Variants in C21orf91 observed in about 807,000 individuals in gnomAD.
The protein encoded by C21orf91 is protein EURL homolog.
Under a neutral mutation model 32.9 loss-of-function variants are expected in C21orf91, and 26 were observed. That is an observed-to-expected ratio of 0.79 (90% confidence interval 0.58 to 1.10). The LOEUF (loss-of-function observed/expected upper bound fraction) is 1.10. C21orf91 is among the 50% of genes least tolerant of loss of function. C21orf91 has a pLI of 0.00. For synonymous variants in C21orf91, 126 were observed against 120.4 expected (o/e 1.05, Z -0.31); for missense variants, 310 against 341.3 (o/e 0.91, Z 0.72).
At chr21:17,808,656 T>G (rs534457110) in intron 2 of C21orf91, among the ~76,000 whole-genome samples, 115 of 152,332 alleles carry the variant, frequency 7.5e-4, no homozygotes, top group African/African-American at 2.6e-3. Flanking sequence ...TTTTAGAGGC[T>G]TATAGACAGA....
chr21:17,810,740 T>TC (rs1350423475), intron 2 of C21orf91: 2 of 152,250 alleles, frequency 1.3e-5, no homozygotes, highest in East Asian at 3.8e-4. Context: ...GCATGGTTCT[T>TC]CTGGGTAAGG....
chr21:17,802,121 AG>A (rs1568752013), intron 2 of C21orf91, among the ~76,000 whole-genome samples: 1 of 152,180 alleles, frequency 6.6e-6, no homozygotes, highest in African/African-American at 2.4e-5. Flanking sequence ...AAAAGTGCAA[AG>A]ACTACTCAAA....
chr21:17,818,071 A>T, intron 2 of C21orf91, 121 bp downstream of exon 2: 1 of 626,008 alleles, frequency 1.6e-6, no homozygotes, highest in Non-Finnish European at 2.7e-6. Flanking sequence ...ACAAATCTCT[A>T]CACTATTCAT....
At position 17,789,911 on chromosome 21, in the gene C21orf91, C is replaced by G. The variant is rs1423567276; in HGVS notation, c.*3504G>C. 1 of 152,064 alleles carries G rather than the reference C, an allele frequency of 6.6e-6. No homozygotes were observed. The highest frequency in any genetic ancestry group is 6.6e-5 in the Admixed American group (1 of 15,264). The allele number at this position is 152,064 out of a possible 1,614,324, so 9.4% of individuals were successfully genotyped here. On this transcript the variant is annotated 3_prime_UTR_variant, in exon 5 of 5. Transcript: ENST00000284881. ...AAATTTCCTCAAATAGTTACTCCCA[C>G]CAACGTAAAAGTTAAAAATACAATC... is the stretch of plus-strand genomic sequence containing the variant.
In C21orf91 at chr21:17,791,824, C is replaced by T. The variant is rs1051547089; in HGVS notation, c.*1591G>A. On this transcript the variant is annotated 3_prime_UTR_variant, in exon 5 of 5. Transcript: ENST00000284881. ...AAATCGAAAGCATCTTTCAAAAATT[C>T]CCTCCAAAAAGTAATGTTATACTTC... 3.9e-5 allele frequency: 6 copies of T among 152,056 alleles called. No homozygotes were observed. The highest frequency in any genetic ancestry group is 1.2e-4 in the African/African-American group (5 of 41,414). The allele number at this position is 152,056 out of a possible 1,614,324, so 9.4% of individuals were successfully genotyped here.
rs7277763 is a variant in C21orf91 at position 17,791,390 on chromosome 21, C to T, written c.*2025G>A. ...CATCCACTTGTTCCGTACTCATTAGCAAAGCTATGTATATTTGTCAGAAAA... is the reference window on the plus strand; with the variant it reads ...CATCCACTTGTTCCGTACTCATTAGTAAAGCTATGTATATTTGTCAGAAAA... On this transcript the variant is annotated 3_prime_UTR_variant, in exon 5 of 5. Transcript: ENST00000284881. 0.35 allele frequency: 52,646 copies of T among 152,002 alleles called. 10,181 individuals carry two copies. Among genetic ancestry groups the T allele is most frequent in the African/African-American group, 0.51 (21,250 of 41,492 alleles). The allele number at this position is 152,002 out of a possible 1,614,324, so 9.4% of individuals were successfully genotyped here.
chr21:17,810,163 C>A (rs2062623090), intron 2 of C21orf91, among the ~76,000 whole-genome samples: 1 of 152,202 alleles, frequency 6.6e-6, no homozygotes, highest in Non-Finnish European at 1.5e-5. Flanking sequence ...TGATTTCAAT[C>A]ACTCATACAT....
intron 2 of C21orf91, chr21:17,817,799 TCTCA>T (rs1467390102): frequency 6.4e-6 from 1 of 155,358 alleles, no homozygotes; most frequent in South Asian, 2.0e-4. Flanking sequence ...TTCGGGCTCA[TCTCA>T]CTCAAATACT....
At chr21:17,799,339 T>C (rs1483797159) in intron 2 of C21orf91, among the ~76,000 whole-genome samples, 2 of 152,178 alleles carry the variant, frequency 1.3e-5, no homozygotes, top group Admixed American at 6.5e-5. Context: ...GATGTACCTA[T>C]TGGCTCCTCG....
chr21:17,818,576 T>C lies in C21orf91; in HGVS notation c.-7-251A>G, dbSNP rs905404669. 1.4e-4 allele frequency among the ~76,000 whole-genome samples: 22 copies of C among 152,230 alleles called. 1 individual carries two copies. The highest frequency in any genetic ancestry group is 1.4e-3 in the Admixed American group (22 of 15,288). On this transcript the variant is annotated intron_variant, in intron 1 of 4. Transcript: ENST00000284881. ...GTGTCTTTTTTGTCCTATAGTTGAT[T>C]GGGTTAGTGGCACCTGAAGGAAAGA...
rs2062481432 is a variant in C21orf91 at position 17,792,334 on chromosome 21, T to C, written c.*1081A>G. The C allele has an allele frequency of 6.6e-6, 1 of 152,192 alleles. No homozygotes were observed. The allele number at this position is 152,192 out of a possible 1,614,324, so 9.4% of individuals were successfully genotyped here. A position where few individuals can be genotyped will look rare whatever the true frequency, so the allele number is the denominator to read the frequency against. On this transcript the variant is annotated 3_prime_UTR_variant, in exon 5 of 5. Coordinates refer to ENST00000284881, the MANE Select transcript of C21orf91 (RefSeq NM_001100420.2). ...GCTTTTCTTCTGTAGAACAATCCTA[T>C]ATTTCTCTATAGAGTCTAAAGTTTA...
intron 2 of C21orf91, chr21:17,811,346 A>G (rs1454172043): frequency 6.6e-6 from 1 of 152,238 alleles, no homozygotes; most frequent in Non-Finnish European, 1.5e-5. Context: ...TATTTAGATA[A>G]GAGACTTACC....
chr21:17,799,412 C>T (rs1215617724), intron 2 of C21orf91, among the ~76,000 whole-genome samples: 2 of 152,088 alleles, frequency 1.3e-5, no homozygotes, highest in Non-Finnish European at 2.9e-5. Context: ...AAAACTGATC[C>T]CCTTACTGAA....
chr21:17,798,676 T>C (rs1004129142), intron 2 of C21orf91, among the ~76,000 whole-genome samples: 1 of 152,226 alleles, frequency 6.6e-6, no homozygotes, highest in Non-Finnish European at 1.5e-5. Flanking sequence ...AACATTAGAA[T>C]ATGTGAATTA....
At chr21:17,796,116 T>C (rs1022077013) in intron 3 of C21orf91, among the ~76,000 whole-genome samples, 7 of 152,170 alleles carry the variant, frequency 4.6e-5, no homozygotes, top group African/African-American at 9.7e-5. Flanking sequence ...TTTGTAGAAA[T>C]AGATGTAGAG....
intron 2 of C21orf91, among the ~76,000 whole-genome samples, chr21:17,799,526 T>C (rs916620532): frequency 2.6e-5 from 4 of 152,050 alleles, no homozygotes; most frequent in Admixed American, 2.6e-4. Flanking sequence ...TCTTAACAGA[T>C]TTCTCCCCCA....
At chr21:17,800,772 TCTTTAAGATA>T (rs1463653266) in intron 2 of C21orf91, among the ~76,000 whole-genome samples, 2 of 152,226 alleles carry the variant, frequency 1.3e-5, no homozygotes, top group African/African-American at 4.8e-5. Context: ...TATAAAAACA[TCTTTAAGATA>T]CTTCAAAGAT....
At chr21:17,798,581 T>TA (rs1192094237) in intron 2 of C21orf91, among the ~76,000 whole-genome samples, 2 of 152,218 alleles carry the variant, frequency 1.3e-5, no homozygotes, top group Non-Finnish European at 2.9e-5. Context: ...ATATACATCT[T>TA]ATTTATCACT....
At position 17,789,238 on chromosome 21, in the gene C21orf91, G is replaced by A. The variant is rs1360338315; in HGVS notation, c.*4177C>T. 7.2e-6 allele frequency: 1 copy of A among 138,380 alleles called. No individual in the cohort carries two copies. The highest frequency in any genetic ancestry group is 1.5e-5 in the Non-Finnish European group (1 of 65,938). 8.6% of individuals were successfully genotyped at this position (138,380 alleles called of 1,614,324 possible). A position where few individuals can be genotyped will look rare whatever the true frequency, so the allele number is the denominator to read the frequency against. Reference sequence around the variant, plus strand: ...TTCAATGACCATAGTATACGCTACTGTTTTAAAGCAAGGTTCACACACACA... The same window carrying A: ...TTCAATGACCATAGTATACGCTACTATTTTAAAGCAAGGTTCACACACACA... On this transcript the variant is annotated 3_prime_UTR_variant, in exon 5 of 5. Coordinates refer to ENST00000284881, the MANE Select transcript of C21orf91 (RefSeq NM_001100420.2).
Sources: allele counts gnomAD v4.1 joint callset (sites outside exome capture counted in the v4.1 genomes callset), GRCh38; gene constraint gnomAD v4.1.1; transcripts MANE v1.5; gene names NCBI Gene and HGNC (gene_info 2026-07-23, HGNC 2026-07-21).